NUDT3: variants seen among roughly 807,000 people sequenced by gnomAD.
NUDT3 encodes nudix hydrolase 3.
NUDT3 carries 9 observed loss-of-function variants against 23.6 expected under a neutral mutation model. The ratio of observed to expected loss-of-function variants is 0.38; its 90% CI spans 0.23 to 0.66. The LOEUF (loss-of-function observed/expected upper bound fraction) is 0.66, where lower values mean the gene tolerates loss of function less well. Ranked by LOEUF, NUDT3 falls within the 30% of genes least tolerant of loss-of-function variation. The pLI, the probability that NUDT3 is intolerant of heterozygous loss-of-function variation, is 0.52. For missense variants in NUDT3, 172 were observed against 218.5 expected (o/e 0.79, Z 1.34); for synonymous variants, 86 against 82.6 (o/e 1.04, Z -0.22).
At chr6:34,374,156 C>CA (rs397888346) in intron 1 of NUDT3, among the ~76,000 whole-genome samples, 2,729 of 64,626 alleles carry the variant, frequency 0.042, 83 homozygotes, top group Non-Finnish European at 0.052. Context: ...GGCTCCCTCT[C>CA]AAAAAAAAAA....
At chr6:34,346,566 G>C (rs1764373832) in intron 1 of NUDT3, among the ~76,000 whole-genome samples, 1 of 152,090 alleles carries the variant, frequency 6.6e-6, no homozygotes, top group Non-Finnish European at 1.5e-5. Context: ...AGTAAATCTA[G>C]CAAGTGTTAT....
At chr6:34,315,101 G>T (rs1227877880) in intron 2 of NUDT3, among the ~76,000 whole-genome samples, 4 of 152,164 alleles carry the variant, frequency 2.6e-5, no homozygotes, top group African/African-American at 9.7e-5. Context: ...TACTACAGGG[G>T]TATTACATAA....
chr6:34,315,033 C>G (rs1011419048), intron 2 of NUDT3, among the ~76,000 whole-genome samples: 1 of 152,154 alleles, frequency 6.6e-6, no homozygotes, highest in Admixed American at 6.6e-5. Flanking sequence ...AGGACACCTT[C>G]TGCAGGGGAG....
chr6:34,352,865 CTT>C (rs997010111), intron 1 of NUDT3, among the ~76,000 whole-genome samples: 1 of 152,142 alleles, frequency 6.6e-6, no homozygotes, highest in African/African-American at 2.4e-5. Flanking sequence ...TAGACTTCAG[CTT>C]TTTTAGTTTT....
Position 34,288,771 on chromosome 6 carries a change from C to G in NUDT3, c.501G>C (p.Ser167=), listed in dbSNP as rs534739103. The stretch of plus-strand genomic sequence containing the variant: ...TCTTCAGTCATCTGATGCCTGACAT[C>G]GAGCTCTGAGCAGAAACCGAGTATG... The part of the protein sequence containing the change: ...ATTYSVSAQS[S]MSGIR The change falls in exon 5 of 5, where the codon TCG becomes TCC. Residue 167 remains serine (S), a synonymous_variant. Coordinates refer to ENST00000607016, the MANE Select transcript of NUDT3 (RefSeq NM_006703.4). 3 of 1,611,126 alleles carry G rather than the reference C, an allele frequency of 1.9e-6. No individual in the cohort carries two copies. The highest frequency in any genetic ancestry group is 2.2e-5 in the South Asian group (2 of 90,502).
chr6:34,378,230 G>A (rs1764957739), intron 1 of NUDT3, among the ~76,000 whole-genome samples: 1 of 152,006 alleles, frequency 6.6e-6, no homozygotes, highest in South Asian at 2.1e-4. Context: ...TTGCGCCCAG[G>A]AGGATGAGGC....
Position 34,284,931 on chromosome 6 carries a change from T to C in NUDT3, c.*3822A>G, listed in dbSNP as rs1430605121. The C allele has an allele frequency of 1.3e-5, 2 of 152,330 alleles. No individual in the cohort carries two copies. The highest frequency in any genetic ancestry group is 2.9e-5 in the Non-Finnish European group (2 of 68,042). The allele number at this position is 152,330 out of a possible 1,614,324, so 9.4% of individuals were successfully genotyped here. A position where few individuals can be genotyped will look rare whatever the true frequency, so the allele number is the denominator to read the frequency against. On this transcript the variant is annotated 3_prime_UTR_variant, in exon 5 of 5. Transcript: ENST00000607016. ...ACTGCAAAACACTCCCAGAGGGCAGTGACCTACTCTGCTCCCCAGAGGCTC... is the reference window on the plus strand; with the variant it reads ...ACTGCAAAACACTCCCAGAGGGCAGCGACCTACTCTGCTCCCCAGAGGCTC...
intron 2 of NUDT3, among the ~76,000 whole-genome samples, chr6:34,326,171 G>A (rs907432764): frequency 1.8e-4 from 27 of 150,994 alleles, no homozygotes; most frequent in Admixed American, 1.3e-3. Flanking sequence ...TTAAACAAAC[G>A]GGAGCAACTC....
chr6:34,298,256 G>A (rs998751658), intron 2 of NUDT3, among the ~76,000 whole-genome samples: 5 of 152,080 alleles, frequency 3.3e-5, no homozygotes, highest in Non-Finnish European at 7.4e-5. Context: ...AGCTACTCAG[G>A]AGGCTGAAGT....
chr6:34,305,332 A>G (rs1763664110), intron 2 of NUDT3, among the ~76,000 whole-genome samples: 1 of 152,176 alleles, frequency 6.6e-6, no homozygotes, highest in Admixed American at 6.5e-5. Flanking sequence ...GAAAATTTCT[A>G]TGAAAGTTTT....
intron 2 of NUDT3, among the ~76,000 whole-genome samples, chr6:34,296,571 C>T (rs1561898491): frequency 1.3e-5 from 2 of 152,094 alleles, no homozygotes; most frequent in Admixed American, 6.6e-5. Flanking sequence ...CAGACCCTGT[C>T]GGTAAATACA....
chr6:34,358,068 G>A (rs1289895214), intron 1 of NUDT3, among the ~76,000 whole-genome samples: 3 of 152,040 alleles, frequency 2.0e-5, no homozygotes, highest in Non-Finnish European at 2.9e-5. Flanking sequence ...CTACCTATTC[G>A]GTTCTATTGA....
intron 2 of NUDT3, among the ~76,000 whole-genome samples, chr6:34,314,337 G>C (rs535359581): frequency 1.3e-5 from 2 of 150,704 alleles, no homozygotes; most frequent in South Asian, 2.1e-4. Context: ...TGGACGACCT[G>C]AGGTCAGCTG....
chr6:34,300,394 A>G (rs1246502337), intron 2 of NUDT3, among the ~76,000 whole-genome samples: 1 of 152,172 alleles, frequency 6.6e-6, no homozygotes, highest in Non-Finnish European at 1.5e-5. Flanking sequence ...GATTCTGTCC[A>G]GGTGGGGGTT....
chr6:34,390,660 G>A (rs1237220470), intron 1 of NUDT3, among the ~76,000 whole-genome samples: 2 of 152,004 alleles, frequency 1.3e-5, no homozygotes, highest in Non-Finnish European at 2.9e-5. Flanking sequence ...GCCCGGCCTG[G>A]TGTGATTTTT....
rs1216507848 is a variant in NUDT3 at position 34,392,249 on chromosome 6, A to T, written c.99+15T>A. On this transcript the variant is annotated intron_variant, in intron 1 of 4. Coordinates refer to ENST00000607016, the MANE Select transcript of NUDT3 (RefSeq NM_006703.4). ...GAGACCCGGCGACCCCGGCCCGCCC[A>T]GCCTGCCGCCTCACCTCCTCCTCGC... is the stretch of plus-strand genomic sequence containing the variant. 6.4e-7 allele frequency: 1 copy of T among 1,573,294 alleles called. No individual in the cohort carries two copies.
At chr6:34,328,308 G>A (rs546248775) in intron 2 of NUDT3, among the ~76,000 whole-genome samples, 2 of 152,046 alleles carry the variant, frequency 1.3e-5, no homozygotes, top group South Asian at 2.1e-4. Context: ...ATACATTTAC[G>A]GTGTACTGCA....
At chr6:34,382,168 G>A (rs1765030910) in intron 1 of NUDT3, among the ~76,000 whole-genome samples, 1 of 151,782 alleles carries the variant, frequency 6.6e-6, no homozygotes. Context: ...AGGGCAAGGA[G>A]GGAGGATCAC....
At chr6:34,322,234 CTT>C (rs988797839) in intron 2 of NUDT3, among the ~76,000 whole-genome samples, 32 of 142,468 alleles carry the variant, frequency 2.2e-4, no homozygotes, top group Non-Finnish European at 2.8e-4. Flanking sequence ...ACCCTGGACT[CTT>C]TTTTTTTTTT....
Sources: allele counts gnomAD v4.1 joint callset (sites outside exome capture counted in the v4.1 genomes callset), GRCh38; gene constraint gnomAD v4.1.1; transcripts MANE v1.5; gene names NCBI Gene and HGNC (gene_info 2026-07-23, HGNC 2026-07-21).